The following NBEA variants were observed in gnomAD, a reference collection of about 807,000 sequenced individuals.
The protein encoded by NBEA is lysosomal-trafficking regulator 2.
Under a neutral mutation model 343.4 loss-of-function variants are expected in NBEA, and 44 were observed. The observed-to-expected ratio is 0.13, with a 90% confidence interval of 0.10 to 0.16. The LOEUF (loss-of-function observed/expected upper bound fraction) is 0.16. Among genes scored for constraint, NBEA ranks in the 10% least tolerant of loss-of-function variants. The pLI is 1.00. For synonymous variants in NBEA, 1,175 were observed against 1,238.7 expected (o/e 0.95, Z 1.08); for missense variants, 2,555 against 3,631.3 (o/e 0.70, Z 7.62).
At chr13:35,081,273 A>G (rs978366945) in intron 10 of NBEA, among the ~76,000 whole-genome samples, 4 of 151,976 alleles carry the variant, frequency 2.6e-5, no homozygotes, top group Admixed American at 2.6e-4. Context: ...TTATTTTTGA[A>G]TTCTATCTTG....
intron 38 of NBEA, among the ~76,000 whole-genome samples, chr13:35,382,521 G>A (rs1375028521): frequency 6.6e-6 from 1 of 152,058 alleles, no homozygotes; most frequent in Non-Finnish European, 1.5e-5. Flanking sequence ...TGCATTTGGA[G>A]TAGTAAATGC....
In NBEA at chr13:35,048,863, A is replaced by G. The variant is rs533556888; in HGVS notation, c.845+179A>G. Among the ~76,000 whole-genome samples, 112 of 151,964 alleles carry G rather than the reference A, an allele frequency of 7.4e-4. 3 individuals carry two copies. The highest frequency in any genetic ancestry group is 4.1e-4 in the South Asian group (2 of 4,822). ...TATGTATATATGCATTTATTTTGCT[A>G]TTGATTCTAGGTCATCTGCTTCATG... is the stretch of plus-strand genomic sequence containing the variant. On this transcript the variant is annotated intron_variant, in intron 5 of 58. Transcript: ENST00000379939.
chr13:35,308,504 A>ATG (rs1555361079), intron 35 of NBEA, among the ~76,000 whole-genome samples: 50 of 115,540 alleles, frequency 4.3e-4, no homozygotes, highest in African/African-American at 1.2e-3. Context: ...ATATGTGTAT[A>ATG]TATATATGTG....
intron 29 of NBEA, 134 bp from the exon 30 acceptor site, chr13:35,183,842 C>T: frequency 1.8e-6 from 1 of 569,810 alleles, no homozygotes; most frequent in South Asian, 2.5e-5. Flanking sequence ...AAACTCTTTT[C>T]TTCAGAGATG....
chr13:35,333,741 A>G (rs2039074731), intron 36 of NBEA, among the ~76,000 whole-genome samples: 1 of 152,006 alleles, frequency 6.6e-6, no homozygotes, highest in African/African-American at 2.4e-5. Flanking sequence ...CTCTGTCTCT[A>G]TGAGTTCAAT....
At chr13:35,148,711 T>C (rs1270974025) in intron 18 of NBEA, among the ~76,000 whole-genome samples, 1 of 152,196 alleles carries the variant, frequency 6.6e-6, no homozygotes, top group Non-Finnish European at 1.5e-5. Context: ...ATTACAAATA[T>C]ATTTATCACA....
At chr13:34,971,097 A>G (rs1230615380) in intron 1 of NBEA, among the ~76,000 whole-genome samples, 2 of 151,414 alleles carry the variant, frequency 1.3e-5, no homozygotes, top group African/African-American at 2.4e-5. Flanking sequence ...TCACCTCCCT[A>G]GTTAGCTGTA....
intron 47 of NBEA, among the ~76,000 whole-genome samples, chr13:35,594,350 A>C (rs1011596182): frequency 6.6e-6 from 1 of 152,256 alleles, no homozygotes; most frequent in East Asian, 1.9e-4. Context: ...TCTATTGCAA[A>C]ACATTTGTAA....
Position 35,550,598 on chromosome 13 carries a change from A to C in NBEA, c.6703+4A>C. 6.4e-7 allele frequency: 1 copy of C among 1,556,798 alleles called. No homozygotes were observed. The highest frequency in any genetic ancestry group is 8.9e-7 in the Non-Finnish European group (1 of 1,129,298). On this transcript the variant is annotated splice_donor_region_variant and intron_variant, in intron 42 of 58. Coordinates refer to ENST00000379939, the MANE Select transcript of NBEA (RefSeq NM_001385012.1). The stretch of plus-strand genomic sequence containing the variant: ...GAAGTATTTATGGCAAACCGAAGTA[A>C]GTCCCCTTAATATTTTGAAAGAAAA...
chr13:35,420,923 T>C (rs899642916), intron 38 of NBEA, among the ~76,000 whole-genome samples: 7 of 152,006 alleles, frequency 4.6e-5, no homozygotes, highest in African/African-American at 1.7e-4. Flanking sequence ...GTCAGTGTTA[T>C]TGATTTTTTT....
chr13:35,394,272 G>T (rs1464765019), intron 38 of NBEA, among the ~76,000 whole-genome samples: 2 of 152,096 alleles, frequency 1.3e-5, no homozygotes, highest in Non-Finnish European at 2.9e-5. Flanking sequence ...TACCTAGAAG[G>T]AAAGGATTGT....
At chr13:34,953,945 G>A (rs763390747) in intron 1 of NBEA, among the ~76,000 whole-genome samples, 14 of 152,274 alleles carry the variant, frequency 9.2e-5, no homozygotes, top group South Asian at 4.1e-4. Flanking sequence ...TAGGTTGTGC[G>A]CTCCTTATGA....
chr13:35,236,610 A>C (rs903885640), intron 34 of NBEA, among the ~76,000 whole-genome samples: 2 of 148,752 alleles, frequency 1.3e-5, no homozygotes, highest in African/African-American at 2.5e-5. Context: ...CCACGCCCAG[A>C]TATATATTTT....
chr13:35,381,777 T>C (rs1197575174), intron 38 of NBEA, among the ~76,000 whole-genome samples: 3 of 152,066 alleles, frequency 2.0e-5, no homozygotes, highest in Non-Finnish European at 4.4e-5. Context: ...AAATCAGAAC[T>C]GGGAGTTCAT....
chr13:35,084,752 T>TAA (rs1436408493), intron 10 of NBEA, among the ~76,000 whole-genome samples: 1 of 151,540 alleles, frequency 6.6e-6, no homozygotes, highest in Non-Finnish European at 1.5e-5. Flanking sequence ...CTAAAGGAAA[T>TAA]AGAGACACAA....
At chr13:35,594,065 T>C (rs1212329298) in intron 47 of NBEA, among the ~76,000 whole-genome samples, 1 of 152,102 alleles carries the variant, frequency 6.6e-6, no homozygotes. Context: ...TTATATGGGC[T>C]CCTATTTTAA....
chr13:35,262,085 C>T (rs1292714897), intron 34 of NBEA, among the ~76,000 whole-genome samples: 7 of 152,096 alleles, frequency 4.6e-5, no homozygotes, highest in East Asian at 1.9e-4. Flanking sequence ...ACATCGTTAG[C>T]GATCAGGTAA....
intron 33 of NBEA, among the ~76,000 whole-genome samples, chr13:35,218,631 A>G (rs1034956912): frequency 3.1e-4 from 47 of 151,150 alleles, no homozygotes; most frequent in African/African-American, 1.1e-3. Flanking sequence ...GATGCTTCTT[A>G]CCTATTAATT....
intron 1 of NBEA, among the ~76,000 whole-genome samples, chr13:34,964,965 T>C (rs553316963): frequency 6.6e-5 from 10 of 152,170 alleles, no homozygotes; most frequent in African/African-American, 2.2e-4. Flanking sequence ...AGCAATGACT[T>C]ATCTAGGAAA....
Sources: allele counts gnomAD v4.1 joint callset (sites outside exome capture counted in the v4.1 genomes callset), GRCh38; gene constraint gnomAD v4.1.1; transcripts MANE v1.5; gene names NCBI Gene and HGNC (gene_info 2026-07-23, HGNC 2026-07-21).